The following CSMD1 variants were observed in gnomAD, a reference collection of about 807,000 sequenced individuals.
The protein encoded by CSMD1 is CUB and sushi domain-containing protein 1.
CSMD1 carries 213 observed loss-of-function variants against 417.5 expected under a neutral mutation model. The observed-to-expected ratio is 0.51, with a 90% CI of 0.46 to 0.57. The LOEUF is 0.57. Among genes scored for constraint, CSMD1 ranks in the 20% least tolerant of loss-of-function variants. The pLI is 0.00. For missense variants in CSMD1, 6,923 were observed against 4,529.7 expected (o/e 1.53, Z -15.17); for synonymous variants, 2,862 against 1,736.8 (o/e 1.65, Z -16.11).
At chr8:4,812,174 C>T (rs754395564) in intron 1 of CSMD1, among the ~76,000 whole-genome samples, 4 of 152,262 alleles carry the variant, frequency 2.6e-5, no homozygotes, top group African/African-American at 4.8e-5. Context: ...TCGTGTGCAG[C>T]GAGATAAACA....
intron 36 of CSMD1, 124 bp downstream of exon 36, chr8:3,187,745 C>T: frequency 1.4e-6 from 1 of 695,800 alleles, no homozygotes; most frequent in Non-Finnish European, 2.5e-6. Flanking sequence ...CTAGAGCAAC[C>T]ATTATGGAGA....
At chr8:3,897,564 C>G (rs1405432029) in intron 5 of CSMD1, among the ~76,000 whole-genome samples, 1 of 151,806 alleles carries the variant, frequency 6.6e-6, no homozygotes, top group African/African-American at 2.4e-5. Context: ...GCATACAAAA[C>G]TACCTCAGTA....
intron 5 of CSMD1, among the ~76,000 whole-genome samples, chr8:3,845,342 A>G (rs35130796): frequency 6.6e-6 from 1 of 152,000 alleles, no homozygotes; most frequent in African/African-American, 2.4e-5. Flanking sequence ...ACGATACAGC[A>G]TGTTGCTCCT....
intron 11 of CSMD1, among the ~76,000 whole-genome samples, chr8:3,476,582 T>A (rs1211494318): frequency 6.6e-6 from 1 of 152,038 alleles, no homozygotes; most frequent in African/African-American, 2.4e-5. Flanking sequence ...AGAACATACA[T>A]CCATTGGTGT....
In CSMD1 at chr8:3,223,768, T is replaced by A; in HGVS notation, c.4445A>T (p.Lys1482Ile). 5.6e-6 allele frequency: 9 copies of A among 1,613,924 alleles called. No homozygotes were observed. The highest frequency in any genetic ancestry group is 7.6e-6 in the Non-Finnish European group (9 of 1,179,826). Residue 1482 changes from lysine (K) to isoleucine (I), a missense_variant, in exon 28 of 70, where the codon AAA (lysine) becomes ATA (isoleucine). Lys to Ile is a moderately radical substitution (Grantham distance 102). Coordinates refer to ENST00000635120, the MANE Select transcript of CSMD1 (RefSeq NM_033225.6). Reference protein sequence around the residue: ...PPGKECDWRVKVNPDFVIALI... With the variant: ...PPGKECDWRVIVNPDFVIALI... Reference sequence around the variant, plus strand: ...GGCGATGACAAAGTCCGGGTTCACTTTTACTCTCCAGTCACATTCCTTCCC... The same window carrying A: ...GGCGATGACAAAGTCCGGGTTCACTATTACTCTCCAGTCACATTCCTTCCC...
At chr8:3,600,352 T>G (rs1299923995) in intron 8 of CSMD1, among the ~76,000 whole-genome samples, 3 of 152,206 alleles carry the variant, frequency 2.0e-5, no homozygotes, top group African/African-American at 7.2e-5. Context: ...TACCTTTAGA[T>G]CCTAGTTAAA....
At chr8:4,004,383 C>T (rs1585116242) in intron 4 of CSMD1, among the ~76,000 whole-genome samples, 1 of 148,756 alleles carries the variant, frequency 6.7e-6, no homozygotes, top group African/African-American at 2.5e-5. Context: ...ATTAGAGATG[C>T]TGTTGTTTTT....
At chr8:4,786,031 A>G (rs1773566785) in intron 1 of CSMD1, among the ~76,000 whole-genome samples, 1 of 152,198 alleles carries the variant, frequency 6.6e-6, no homozygotes, top group Admixed American at 6.5e-5. Context: ...TTCCTAAGAA[A>G]TAGAATAGCC....
chr8:3,712,038 T>C (rs1305182212), intron 6 of CSMD1, among the ~76,000 whole-genome samples: 1 of 152,222 alleles, frequency 6.6e-6, no homozygotes. Context: ...AACAAGTGTT[T>C]GATGCTCTGT....
At chr8:3,177,900 G>C (rs992785420) in intron 37 of CSMD1, among the ~76,000 whole-genome samples, 2 of 152,092 alleles carry the variant, frequency 1.3e-5, no homozygotes, top group African/African-American at 4.8e-5. Context: ...ATTTTGTCTT[G>C]GTTTCATTGG....
chr8:3,514,698 A>T (rs1212089992), intron 10 of CSMD1, among the ~76,000 whole-genome samples: 1 of 152,158 alleles, frequency 6.6e-6, no homozygotes, highest in Non-Finnish European at 1.5e-5. Flanking sequence ...TTTTGTTAAT[A>T]TCATTTGAAG....
chr8:3,414,316 G>A (rs1033770761), intron 12 of CSMD1, among the ~76,000 whole-genome samples: 3 of 143,748 alleles, frequency 2.1e-5, no homozygotes, highest in African/African-American at 7.7e-5. Context: ...GGAAAATATT[G>A]TTTAAGGATC....
chr8:3,175,762 A>C (rs1381333643), intron 37 of CSMD1, among the ~76,000 whole-genome samples: 1 of 152,114 alleles, frequency 6.6e-6, no homozygotes, highest in African/African-American at 2.4e-5. Context: ...GAGTAACTTA[A>C]ATTTGCTTTG....
In CSMD1 at chr8:4,707,380, G is replaced by C. The variant is rs117896141; in HGVS notation, c.86-69822C>G. On this transcript the variant is annotated intron_variant, in intron 1 of 69. Transcript: ENST00000635120. ...TCAAAGAAAATCTAGATTTCCAAAA[G>C]CATGTTTTTAATCGTGCTGGGAAAC... Among the ~76,000 whole-genome samples, 1,101 of 152,248 alleles carry C rather than the reference G, an allele frequency of 7.2e-3. 15 individuals are homozygous for C. The highest frequency in any genetic ancestry group is 0.037 in the South Asian group (179 of 4,828).
At chr8:4,467,160 A>G (rs564028552) in intron 2 of CSMD1, among the ~76,000 whole-genome samples, 1 of 152,012 alleles carries the variant, frequency 6.6e-6, no homozygotes, top group Admixed American at 6.6e-5. Flanking sequence ...AGAAAAAACA[A>G]ATGTTGACAA....
At position 4,124,227 on chromosome 8, in the gene CSMD1, G is replaced by T. The variant is rs200897826; in HGVS notation, c.416-92128C>A. Among the ~76,000 whole-genome samples, 8 of 152,254 alleles carry T rather than the reference G, an allele frequency of 5.3e-5. No homozygotes were observed. In the East Asian group the frequency reaches 1.5e-3, roughly 29 times the overall value. On this transcript the variant is annotated intron_variant, in intron 3 of 69. Coordinates refer to ENST00000635120, the MANE Select transcript of CSMD1 (RefSeq NM_033225.6). ...GAGGAAGCTTCAGGGCTCCTGGGCA[G>T]GGGAGTGTGAGGCCTGAGGTCATTA...
chr8:3,307,645 G>C (rs1222352999), intron 25 of CSMD1, 50 bp downstream of exon 25: 14 of 1,573,812 alleles, frequency 8.9e-6, no homozygotes, highest in Middle Eastern at 1.7e-4. Flanking sequence ...TACAAGAATA[G>C]AAGGCATATC....
intron 4 of CSMD1, among the ~76,000 whole-genome samples, chr8:4,023,753 ATTTTTTTTTTTTTTTTTT>A (rs760333220): frequency 2.0e-5 from 1 of 50,100 alleles, no homozygotes; most frequent in East Asian, 5.1e-4. Flanking sequence ...CGCTCGGCTA[ATTTTTTTTTTTTTTTTTT>A]TTTTTTTTTT....
rs570278969 is a variant in CSMD1 at position 3,179,134 on chromosome 8, A to G, written c.5725+1976T>C. 2.6e-5 allele frequency among the ~76,000 whole-genome samples: 4 copies of G among 151,048 alleles called. No homozygotes were observed. In the East Asian group the frequency reaches 7.9e-4, roughly 30 times the overall value. The stretch of plus-strand genomic sequence containing the variant: ...CTAATTCTTTGTATTTTTAGTAGAT[A>G]CGGGGTTTCAACGTGTTAGCCAGGA... On this transcript the variant is annotated intron_variant, in intron 37 of 69. Coordinates refer to ENST00000635120, the MANE Select transcript of CSMD1 (RefSeq NM_033225.6).
Sources: gnomAD v4.1 joint callset for allele counts (sites outside exome capture counted in the v4.1 genomes callset) on GRCh38, gnomAD v4.1.1 for gene constraint, MANE v1.5 for transcripts, NCBI Gene and HGNC (gene_info 2026-07-23, HGNC 2026-07-21) for gene names.